Variants in HCN1 observed in about 807,000 individuals in gnomAD.
HCN1 encodes the protein potassium/sodium hyperpolarization-activated cyclic nucleotide-gated channel 1.
A neutral mutation model predicts 78.9 loss-of-function variants in HCN1; 13 were observed. The observed-to-expected ratio is 0.16, with a 90% CI of 0.11 to 0.26. The LOEUF (loss-of-function observed/expected upper bound fraction) is 0.26, where lower values mean the gene tolerates loss of function less well. Among genes scored for constraint, HCN1 ranks in the 10% least tolerant of loss-of-function variants. The pLI, the probability that HCN1 is intolerant of heterozygous loss-of-function variation, is 1.00. For missense variants in HCN1, 810 were observed against 1,154.3 expected, an observed-to-expected ratio of 0.70 and a Z score of 4.32; for synonymous variants, 552 against 455.5, an observed-to-expected ratio of 1.21 and a Z score of -2.70.
At chr5:45,267,402 C>A (rs200027435) in intron 6 of HCN1, 149 bp from the exon 7 acceptor site, 4 of 605,866 alleles carry the variant, frequency 6.6e-6, no homozygotes, top group Non-Finnish European at 1.2e-5. Context: ...TTCCTTCTGA[C>A]AAAAATATCC....
intron 3 of HCN1, among the ~76,000 whole-genome samples, chr5:45,412,108 C>G (rs1740036510): frequency 6.6e-6 from 1 of 152,102 alleles, no homozygotes; most frequent in Non-Finnish European, 1.5e-5. Flanking sequence ...ATTTCTTAGT[C>G]AACAGGGACT....
chr5:45,334,164 T>A (rs895718472), intron 5 of HCN1, among the ~76,000 whole-genome samples: 4 of 151,912 alleles, frequency 2.6e-5, no homozygotes, highest in African/African-American at 4.8e-5. Flanking sequence ...TATTTGCACA[T>A]ATATAAAACT....
intron 2 of HCN1, among the ~76,000 whole-genome samples, chr5:45,639,625 C>A (rs1397506768): frequency 2.0e-5 from 3 of 152,098 alleles, no homozygotes; most frequent in Non-Finnish European, 2.9e-5. Context: ...TGCAAATAGA[C>A]TTCATAGAAG....
intron 6 of HCN1, among the ~76,000 whole-genome samples, chr5:45,296,381 A>T (rs1745494546): frequency 1.3e-5 from 2 of 151,976 alleles, no homozygotes; most frequent in South Asian, 4.1e-4. Context: ...ACCATATGGG[A>T]CAAGGAAAAA....
intron 2 of HCN1, among the ~76,000 whole-genome samples, chr5:45,601,647 G>A (rs1056921956): frequency 4.6e-5 from 7 of 152,216 alleles, no homozygotes; most frequent in South Asian, 2.1e-4. Context: ...CTTTAGAAAC[G>A]CTGTCTGAGC....
chr5:45,513,913 A>G (rs1013919376), intron 2 of HCN1, among the ~76,000 whole-genome samples: 1 of 152,186 alleles, frequency 6.6e-6, no homozygotes, highest in African/African-American at 2.4e-5. Flanking sequence ...AATGATAAAC[A>G]TTTTTAAAAG....
chr5:45,377,001 A>G (rs993951100), intron 4 of HCN1, among the ~76,000 whole-genome samples: 5 of 151,984 alleles, frequency 3.3e-5, no homozygotes, highest in Non-Finnish European at 7.4e-5. Flanking sequence ...TTGTTGAGAA[A>G]ACTTGGAATG....
intron 2 of HCN1, among the ~76,000 whole-genome samples, chr5:45,539,788 A>T (rs1203750933): frequency 6.8e-6 from 1 of 148,022 alleles, no homozygotes; most frequent in Non-Finnish European, 1.5e-5. Context: ...AGTTGAATAT[A>T]ATCATTTTCA....
chr5:45,619,435 G>A (rs574901345), intron 2 of HCN1, among the ~76,000 whole-genome samples: 14 of 151,980 alleles, frequency 9.2e-5, no homozygotes, highest in African/African-American at 2.9e-4. Flanking sequence ...AAAAATATAC[G>A]GTATCCTAAC....
chr5:45,550,726 A>G (rs1743349337), intron 2 of HCN1, among the ~76,000 whole-genome samples: 1 of 152,046 alleles, frequency 6.6e-6, no homozygotes, highest in African/African-American at 2.4e-5. Flanking sequence ...ATATATTTGG[A>G]CTTACCTAAA....
chr5:45,345,926 C>T (rs1455296094), intron 5 of HCN1, among the ~76,000 whole-genome samples: 1 of 152,210 alleles, frequency 6.6e-6, no homozygotes, highest in Non-Finnish European at 1.5e-5. Context: ...TAAAGACATA[C>T]TCGAAAATGA....
At chr5:45,511,424 A>G (rs1010887023) in intron 2 of HCN1, among the ~76,000 whole-genome samples, 2 of 152,026 alleles carry the variant, frequency 1.3e-5, no homozygotes, top group African/African-American at 4.8e-5. Flanking sequence ...AAAGATAAAC[A>G]TTATGGTAGA....
intron 2 of HCN1, among the ~76,000 whole-genome samples, chr5:45,616,373 G>A (rs190980382): frequency 2.0e-5 from 3 of 151,920 alleles, no homozygotes; most frequent in South Asian, 2.1e-4. Context: ...GGCTGAGAGT[G>A]CGCCTAAAAT....
intron 2 of HCN1, among the ~76,000 whole-genome samples, chr5:45,579,453 C>A (rs1424604338): frequency 6.6e-6 from 1 of 152,028 alleles, no homozygotes; most frequent in Non-Finnish European, 1.5e-5. Context: ...CTCCTTTTCC[C>A]TTTGGTCATA....
intron 6 of HCN1, among the ~76,000 whole-genome samples, chr5:45,280,297 G>A (rs1745132703): frequency 6.6e-6 from 1 of 152,134 alleles, no homozygotes; most frequent in Admixed American, 6.6e-5. Context: ...GAGGTCAAGT[G>A]AGAATGAAGG....
intron 2 of HCN1, among the ~76,000 whole-genome samples, chr5:45,502,293 C>G (rs571052534): frequency 6.2e-4 from 93 of 151,108 alleles, no homozygotes; most frequent in African/African-American, 1.8e-3. Context: ...CATGGTGAAA[C>G]CCCATCTCTA....
At position 45,375,723 on chromosome 5, in the gene HCN1, TC is replaced by T. The variant is rs1240438131; in HGVS notation, c.1230+20768del. 8.9e-4 allele frequency among the ~76,000 whole-genome samples: 103 copies of T among 115,588 alleles called. 4 individuals are homozygous for T. The highest frequency in any genetic ancestry group is 3.6e-3 in the African/African-American group (99 of 27,670). 75.8% of individuals were successfully genotyped at this position (115,588 alleles called of 152,430 possible). On this transcript the variant is annotated intron_variant, in intron 4 of 7. Coordinates refer to ENST00000303230, the MANE Select transcript of HCN1 (RefSeq NM_021072.4). ...TTTATGATACATATTATATATAATA[TC>T]ATATTTTATGATATATCTTATATAT...
In HCN1 at chr5:45,443,138, T is replaced by C. The variant is rs530534105; in HGVS notation, c.1011+18708A>G. Among the ~76,000 whole-genome samples, 192 of 152,180 alleles carry C rather than the reference T, an allele frequency of 1.3e-3. 1 individual carries two copies. Among genetic ancestry groups the C allele is most frequent in the African/African-American group, 4.5e-3 (187 of 41,562 alleles). ...AAACATGATAGACAATATTAAATTG[T>C]TTTTTGATAACCAGGAGTTTTTAGA... On this transcript the variant is annotated intron_variant, in intron 3 of 7. Transcript: ENST00000303230.
chr5:45,525,560 A>G (rs1742720544), intron 2 of HCN1, among the ~76,000 whole-genome samples: 2 of 151,862 alleles, frequency 1.3e-5, no homozygotes, highest in Non-Finnish European at 2.9e-5. Flanking sequence ...TTTAAATAAG[A>G]ACAAAATAGG....
Sources: gnomAD v4.1 joint callset for allele counts (sites outside exome capture counted in the v4.1 genomes callset) on GRCh38, gnomAD v4.1.1 for gene constraint, MANE v1.5 for transcripts, NCBI Gene and HGNC (gene_info 2026-07-23, HGNC 2026-07-21) for gene names.